KCTD1: variants seen among roughly 807,000 people sequenced by gnomAD.
The protein encoded by KCTD1 is BTB/POZ domain-containing protein KCTD1.
Under a neutral mutation model 66.0 loss-of-function variants are expected in KCTD1, and 24 were observed. The observed-to-expected ratio is 0.36, with a 90% confidence interval of 0.26 to 0.51. The LOEUF (loss-of-function observed/expected upper bound fraction) is 0.51, where lower values mean the gene tolerates loss of function less well. KCTD1 is among the 20% of genes least tolerant of loss of function. The probability of loss-of-function intolerance (pLI) is 0.95; values close to 1 mark genes in which losing one functional copy is unlikely to be tolerated. For synonymous variants in KCTD1, 511 were observed against 517.2 expected (o/e 0.99, Z 0.16); for missense variants, 943 against 1,205.2 (o/e 0.78, Z 3.22).
At chr18:26,496,685 G>A (rs568312026) in intron 2 of KCTD1, among the ~76,000 whole-genome samples, 1 of 151,768 alleles carries the variant, frequency 6.6e-6, no homozygotes. Context: ...AGGTGTAAAA[G>A]TCAATTTACT....
rs1444728850 is a variant in KCTD1, at chr18:26,455,549, T to C, written c.*194A>G. The C allele has an allele frequency of 4.7e-6, 2 of 427,278 alleles. No individual in the cohort carries two copies. The highest frequency in any genetic ancestry group is 8.0e-6 in the Non-Finnish European group (2 of 249,936). 26.5% of individuals were successfully genotyped at this position (427,278 alleles called of 1,614,324 possible). ...TATATATATATATTTATATATTTTT[T>C]ACACCTTGAGGATATCACTATTCCA... On this transcript the variant is annotated 3_prime_UTR_variant, in exon 5 of 5. Transcript: ENST00000580059.
upstream of KCTD1, chr18:26,549,509 TGGGACCCCA>T (rs1356913121): frequency 3.1e-6 from 3 of 953,898 alleles, no homozygotes; most frequent in Non-Finnish European, 3.7e-6. Flanking sequence ...AAGAGGCGCT[TGGGACCCCA>T]GGGGCCACAG....
chr18:26,649,665 C>T (rs1199345587), intron 1 of KCTD1, among the ~76,000 whole-genome samples: 10 of 152,140 alleles, frequency 6.6e-5, no homozygotes, highest in African/African-American at 1.9e-4. Flanking sequence ...CGCGCCACCA[C>T]GCCCGGCTAA....
At chr18:26,579,365 T>A (rs9965877) in intron 1 of KCTD1, among the ~76,000 whole-genome samples, 31,850 of 152,146 alleles carry the variant, frequency 0.21, 3,460 homozygotes, top group East Asian at 0.32. Flanking sequence ...ATTTGGTGAT[T>A]GGTTAATTGC....
At chr18:26,489,498 C>T (rs1470354836) in intron 2 of KCTD1, among the ~76,000 whole-genome samples, 1 of 152,196 alleles carries the variant, frequency 6.6e-6, no homozygotes, top group African/African-American at 2.4e-5. Flanking sequence ...ATCCTCCTGC[C>T]TGGCCTCCCA....
At position 26,455,796 on chromosome 18, in the gene KCTD1, G is replaced by A. The variant is rs759221642; in HGVS notation, c.2545C>T (p.Arg849Trp). The change falls in exon 5 of 5, where the codon CGG (arginine) becomes TGG (tryptophan). Residue 849 changes from arginine to tryptophan, a missense_variant. Transcript: ENST00000580059. ...SEYVLRRELR[R>W]TPRVPSVIRI... ...ATGACGGAGGGTACACGGGGCGTCC[G>A]CCTCAGTTCCCGCCGAAGGACGTAT... The A allele has an allele frequency of 8.1e-6, 13 of 1,614,004 alleles. No homozygotes were observed. Among genetic ancestry groups the A allele is most frequent in the African/African-American group, 5.3e-5 (4 of 74,906 alleles).
chr18:26,468,899 CTCT>C lies in KCTD1; in HGVS notation c.2133+7613_2133+7615del, dbSNP rs1243571692. On this transcript the variant is annotated intron_variant, in intron 3 of 4. Transcript: ENST00000580059. This position sits in a 1 kb window ranked among gnomAD's most constrained non-coding sequence, Gnocchi z 4.8. Reference sequence around the variant, plus strand: ...TGTCCCTCCCAGGTTCAAGAGAAAACTCTGACGAGGAAGAAAGCACCAATAGTA... The same window carrying C: ...TGTCCCTCCCAGGTTCAAGAGAAAACGACGAGGAAGAAAGCACCAATAGTA... Among the ~76,000 whole-genome samples, 3 of 152,308 alleles carry C rather than the reference CTCT, an allele frequency of 2.0e-5. No homozygotes were observed. The highest frequency in any genetic ancestry group is 6.5e-5 in the Admixed American group (1 of 15,300).
intron 3 of KCTD1, among the ~76,000 whole-genome samples, chr18:26,473,695 A>T (rs1304464213): frequency 6.6e-6 from 1 of 152,166 alleles, no homozygotes; most frequent in Non-Finnish European, 1.5e-5. Flanking sequence ...TGCACAAACC[A>T]AACCCCCATG....
chr18:26,455,615 T>C lies in KCTD1; in HGVS notation c.*128A>G. 1 of 1,129,870 alleles carries C rather than the reference T, an allele frequency of 8.9e-7. No individual in the cohort carries two copies. Among genetic ancestry groups the C allele is most frequent in the East Asian group, 2.4e-5 (1 of 42,130 alleles). 70.0% of individuals were successfully genotyped at this position (1,129,870 alleles called of 1,614,324 possible). ...ATACAGGTGTGGTCTCTATTGGATA[T>C]AAATGTGTCTTTTATTCGATTTTAC... On this transcript the variant is annotated 3_prime_UTR_variant, in exon 5 of 5. Coordinates refer to ENST00000580059, the MANE Select transcript of KCTD1 (RefSeq NM_001142730.3).
rs57856118 is a variant in KCTD1, at chr18:26,647,519, C to CA, written c.9+9840dup. Among the ~76,000 whole-genome samples, 65 of 57,316 alleles carry CA rather than the reference C, an allele frequency of 1.1e-3. 3 individuals are homozygous for CA. The highest frequency in any genetic ancestry group is 3.7e-3 in the African/African-American group (64 of 17,382). 37.6% of individuals were successfully genotyped at this position (57,316 alleles called of 152,430 possible). ...TGGGAAACAGAGTGAGACTCCATCT[C>CA]AAAAAAAAAAAAAAAAAAAAAAAAA... On this transcript the variant is annotated intron_variant, in intron 1 of 4. Coordinates refer to the KCTD1 transcript ENST00000580191.
chr18:26,514,965 G>A (rs1983576086), intron 1 of KCTD1, among the ~76,000 whole-genome samples: 1 of 152,210 alleles, frequency 6.6e-6, no homozygotes, highest in South Asian at 2.1e-4. Flanking sequence ...GCATTTGAAT[G>A]AGCCCTAAAG....
chr18:26,503,825 A>G (rs894208112), intron 1 of KCTD1, among the ~76,000 whole-genome samples: 1 of 145,166 alleles, frequency 6.9e-6, no homozygotes, highest in Middle Eastern at 3.4e-3. Context: ...ATTTAAAATT[A>G]AACCAGTGTT....
chr18:26,472,536 T>C (rs1397793479), intron 3 of KCTD1, among the ~76,000 whole-genome samples: 1 of 152,234 alleles, frequency 6.6e-6, no homozygotes, highest in African/African-American at 2.4e-5. Flanking sequence ...CCTCACCCAT[T>C]TCCAATTCTA....
At chr18:26,538,133 G>C (rs1023517938) in intron 1 of KCTD1, among the ~76,000 whole-genome samples, 3 of 152,132 alleles carry the variant, frequency 2.0e-5, no homozygotes, top group African/African-American at 7.2e-5. Flanking sequence ...TGTAATCCCA[G>C]CTACTCAGGA....
rs770324726 is a variant in KCTD1, at chr18:26,476,470, A to G, written c.2133+45T>C. On this transcript the variant is annotated intron_variant, in intron 3 of 4. Coordinates refer to ENST00000580059, the MANE Select transcript of KCTD1 (RefSeq NM_001142730.3). The surrounding 1 kb of genome is among the most constrained non-coding windows in gnomAD (Gnocchi z 4.9). ...AAATATTTTTTTGGAGCACATAAAA[A>G]AATCACATATTTATGCTATTGGTGA... The G allele has an allele frequency of 1.9e-6, 3 of 1,559,726 alleles. No individual in the cohort carries two copies. The highest frequency in any genetic ancestry group is 2.6e-6 in the Non-Finnish European group (3 of 1,156,180).
intron 2 of KCTD1, among the ~76,000 whole-genome samples, chr18:26,499,994 T>G (rs750399133): frequency 2.0e-5 from 3 of 152,132 alleles, no homozygotes; most frequent in Admixed American, 1.3e-4. Context: ...AAATGGGTGG[T>G]TGGGGCAAGG....
chr18:26,572,205 G>A (rs181872538), intron 1 of KCTD1, among the ~76,000 whole-genome samples: 355 of 152,008 alleles, frequency 2.3e-3, no homozygotes, highest in African/African-American at 7.5e-3. Context: ...GACTACAGGC[G>A]CGCACCACCA....
intron 1 of KCTD1, among the ~76,000 whole-genome samples, chr18:26,553,827 T>TAAA (rs10548383): frequency 7.4e-6 from 1 of 135,422 alleles, no homozygotes. Context: ...CCAGAGAGGG[T>TAAA]AAAAAAAAAA....
At chr18:26,505,457 C>T (rs1021736527) in intron 1 of KCTD1, among the ~76,000 whole-genome samples, 2 of 152,262 alleles carry the variant, frequency 1.3e-5, no homozygotes, top group African/African-American at 4.8e-5. Context: ...CTCCGGAATA[C>T]AGACGAAGAA....
Sources: gnomAD v4.1 joint callset for allele counts (sites outside exome capture counted in the v4.1 genomes callset) on GRCh38, gnomAD v4.1.1 for gene constraint, Gnocchi (gnomAD v3.1) non-coding constraint, MANE v1.5 for transcripts, NCBI Gene and HGNC (gene_info 2026-07-23, HGNC 2026-07-21) for gene names.